MIIP: variants seen among roughly 807,000 people sequenced by gnomAD.
MIIP encodes migration and invasion-inhibitory protein.
Under a neutral mutation model 44.8 loss-of-function variants are expected in MIIP, and 44 were observed. The observed-to-expected ratio is 0.98, with a 90% CI of 0.77 to 1.26. The LOEUF (loss-of-function observed/expected upper bound fraction) is 1.26, where lower values mean the gene tolerates loss of function less well. MIIP is among the 50% of genes most tolerant of loss of function. The probability of loss-of-function intolerance (pLI) is 0.00; values close to 1 mark genes in which losing one functional copy is unlikely to be tolerated. For missense variants in MIIP, 496 were observed against 511.7 expected, an observed-to-expected ratio of 0.97 and a Z score of 0.30; for synonymous variants, 225 against 218.3, an observed-to-expected ratio of 1.03 and a Z score of -0.27.
At chr1:12,031,217 C>G in intron 8 of MIIP, 49 bp from the exon 9 acceptor site, 1 of 1,579,942 alleles carries the variant, frequency 6.3e-7, no homozygotes. Context: ...GCCCAGTCAG[C>G]GGGGAGCTTG....
rs771394914 is a variant in MIIP at position 12,031,380 on chromosome 1, G to A, written c.1057G>A (p.Gly353Ser). The change falls in exon 9 of 10, where the codon GGC (glycine) becomes AGC (serine). Residue 353 changes from glycine to serine, a missense_variant. Transcript: ENST00000235332. ...SAEAQHQKLS[G>S]TSSPFHPASP... Reference sequence around the variant, plus strand: ...TGAGGCCCAGCACCAGAAGCTGTCCGGCACCAGCAGCCCTTTTCACCCGGT... The same window carrying A: ...TGAGGCCCAGCACCAGAAGCTGTCCAGCACCAGCAGCCCTTTTCACCCGGT... 7 of 1,613,670 alleles carry A rather than the reference G, an allele frequency of 4.3e-6. No individual in the cohort carries two copies. Among genetic ancestry groups the A allele is most frequent in the South Asian group, 1.1e-5 (1 of 91,084 alleles).
chr1:12,024,369 G>A (rs940937878), intron 4 of MIIP, among the ~76,000 whole-genome samples: 1 of 152,104 alleles, frequency 6.6e-6, no homozygotes, highest in African/African-American at 2.4e-5. Flanking sequence ...GCTGTCCTTT[G>A]CATGTGTATG....
intron 4 of MIIP, among the ~76,000 whole-genome samples, chr1:12,027,006 C>CTTTTTTTTTTTTT (rs752323245): frequency 7.7e-6 from 1 of 129,516 alleles, no homozygotes; most frequent in Non-Finnish European, 1.6e-5. Flanking sequence ...TTTTCTTTTT[C>CTTTTTTTTTTTTT]TTTTTTTTTT....
At chr1:12,028,413 C>T (rs192060847) in intron 4 of MIIP, among the ~76,000 whole-genome samples, 106 of 152,274 alleles carry the variant, frequency 7.0e-4, no homozygotes, top group Non-Finnish European at 1.3e-3. Flanking sequence ...TCATCTCCTC[C>T]ACCCTCGCTG....
intron 4 of MIIP, among the ~76,000 whole-genome samples, chr1:12,026,277 C>A (rs1640103743): frequency 6.6e-6 from 1 of 152,132 alleles, no homozygotes; most frequent in Non-Finnish European, 1.5e-5. Flanking sequence ...TGCACTCTAA[C>A]CCGGGCGACA....
At chr1:12,024,422 A>AT (rs1365989774) in intron 4 of MIIP, among the ~76,000 whole-genome samples, 1 of 151,598 alleles carries the variant, frequency 6.6e-6, no homozygotes, top group African/African-American at 2.4e-5. Flanking sequence ...CCACTTTAGC[A>AT]TTTTTTTTGA....
intron 8 of MIIP, 110 bp downstream of exon 8, chr1:12,030,234 C>T (rs961131346): frequency 1.9e-6 from 2 of 1,036,870 alleles, no homozygotes; most frequent in Non-Finnish European, 2.9e-6. Flanking sequence ...GGGTGAGCGC[C>T]CAAGTCTCTG....
At chr1:12,030,466 A>T (rs1340134544) in intron 8 of MIIP, among the ~76,000 whole-genome samples, 2 of 143,920 alleles carry the variant, frequency 1.4e-5, no homozygotes, top group Non-Finnish European at 3.0e-5. Context: ...CTGTACCCCC[A>T]CCCTGCAGGT....
intron 4 of MIIP, among the ~76,000 whole-genome samples, chr1:12,023,817 A>G (rs1407948569): frequency 6.6e-6 from 1 of 151,936 alleles, no homozygotes; most frequent in Non-Finnish European, 1.5e-5. Flanking sequence ...AACATGGTGA[A>G]ACCCCGTATC....
chr1:12,029,538 G>A (rs1052054888), intron 6 of MIIP: 13 of 698,214 alleles, frequency 1.9e-5, no homozygotes, highest in Non-Finnish European at 3.1e-5. Context: ...CCCCTGTGCT[G>A]GTGGGACTCC....
At chr1:12,023,975 CAG>C (rs1174309667) in intron 4 of MIIP, 1 of 152,174 alleles carries the variant, frequency 6.6e-6, no homozygotes, top group East Asian at 1.9e-4. Context: ...GCCTGGGTGA[CAG>C]AGTGAGACTC....
intron 9 of MIIP, 158 bp from the exon 10 acceptor site, chr1:12,031,564 C>G: frequency 6.3e-7 from 1 of 1,590,346 alleles, no homozygotes; most frequent in Non-Finnish European, 8.6e-7. Flanking sequence ...AGCCCTGACC[C>G]TAGCCATCCC....
Position 12,022,014 on chromosome 1 carries a change from A to T in MIIP, c.115-81A>T, listed in dbSNP as rs1639986865. 1.7e-5 allele frequency: 25 copies of T among 1,472,162 alleles called. No homozygotes were observed. In the South Asian group the frequency reaches 2.9e-4, roughly 17 times the overall value. The allele number at this position is 1,472,162 out of a possible 1,614,324, so 91.2% of individuals were successfully genotyped here. On this transcript the variant is annotated intron_variant, in intron 2 of 9. Transcript: ENST00000235332. ...CTGCTGAGGCCGGAGCAGGATGAGG[A>T]TGCTTGCCTTGGTGCCTGGCGTAGG...
intron 2 of MIIP, 96 bp from the exon 3 acceptor site, chr1:12,021,999 C>T (rs757543589): frequency 2.5e-5 from 35 of 1,411,328 alleles, no homozygotes; most frequent in Middle Eastern, 1.8e-4. Flanking sequence ...CTGCTGAGGC[C>T]GGAGCAGGAT....
chr1:12,021,981 C>T lies in MIIP; in HGVS notation c.115-114C>T. Reference sequence around the variant, plus strand: ...AGGGCTGGGGAGGGAAGAGACTGGCCTTGGTCACTGCTGAGGCCGGAGCAG... The same window carrying T: ...AGGGCTGGGGAGGGAAGAGACTGGCTTTGGTCACTGCTGAGGCCGGAGCAG... On this transcript the variant is annotated intron_variant, in intron 2 of 9. Coordinates refer to ENST00000235332, the MANE Select transcript of MIIP (RefSeq NM_021933.4). 3.8e-6 allele frequency: 5 copies of T among 1,324,714 alleles called. No individual in the cohort carries two copies. The South Asian group carries it at 6.7e-5, about 18-fold the overall frequency. 82.1% of individuals were successfully genotyped at this position (1,324,714 alleles called of 1,614,324 possible).
intron 4 of MIIP, among the ~76,000 whole-genome samples, 191 bp downstream of exon 4, chr1:12,023,108 G>T (rs1414506286): frequency 7.0e-6 from 1 of 142,302 alleles, no homozygotes; most frequent in Non-Finnish European, 1.5e-5. Flanking sequence ...CTGTCCCCCA[G>T]GCTGGAGTGC....
chr1:12,029,632 G>A (rs1427269297), intron 6 of MIIP, 133 bp from the exon 7 acceptor site: 2 of 1,287,332 alleles, frequency 1.6e-6, no homozygotes, highest in Non-Finnish European at 2.1e-6. Flanking sequence ...AAAGGGGTTA[G>A]GAGGAAATGG....
chr1:12,030,223 A>G, intron 8 of MIIP, 99 bp downstream of exon 8: 2 of 1,147,226 alleles, frequency 1.7e-6, no homozygotes, highest in East Asian at 2.5e-5. Context: ...GGGCTCGACA[A>G]GGGTGAGCGC....
intron 1 of MIIP, among the ~76,000 whole-genome samples, chr1:12,021,325 C>T (rs1464613009): frequency 1.3e-5 from 2 of 150,650 alleles, no homozygotes; most frequent in African/African-American, 4.9e-5. Context: ...ACCCGGGAGG[C>T]GGAGCTTGCA....
Sources: gnomAD v4.1 joint callset for allele counts (sites outside exome capture counted in the v4.1 genomes callset) on GRCh38, gnomAD v4.1.1 for gene constraint, MANE v1.5 for transcripts, NCBI Gene and HGNC (gene_info 2026-07-23, HGNC 2026-07-21) for gene names.